Variants in PHF24 observed in about 807,000 individuals in gnomAD.
PHF24 encodes the protein Galpha inhibitory interacting protein.
A neutral mutation model predicts 42.6 loss-of-function variants in PHF24; 25 were observed. That is an observed-to-expected ratio of 0.59 (90% CI 0.43 to 0.82). PHF24 has a LOEUF of 0.82. Among genes scored for constraint, PHF24 ranks in the 40% least tolerant of loss-of-function variants. PHF24 has a pLI of 0.00. For synonymous variants in PHF24, 185 were observed against 204.8 expected (o/e 0.90, Z 0.83); for missense variants, 470 against 538.1 (o/e 0.87, Z 1.25).
the PHF24 span, among the ~76,000 whole-genome samples, chr9:34,848,359 T>A: frequency 6.6e-6 from 1 of 151,570 alleles, no homozygotes; most frequent in East Asian, 1.9e-4. Context: ...ATTTATCCAT[T>A]TCTTCTAGAT....
At chr9:34,667,759 TA>T in the PHF24 span, among the ~76,000 whole-genome samples, 1 of 152,182 alleles carries the variant, frequency 6.6e-6, no homozygotes, top group Admixed American at 6.5e-5. Context: ...AGGGCTGGTC[TA>T]GAGGCTGCCT....
chr9:34,688,336 C>A, the PHF24 span, among the ~76,000 whole-genome samples: 1 of 152,196 alleles, frequency 6.6e-6, no homozygotes, highest in Non-Finnish European at 1.5e-5. Flanking sequence ...TGTCTGGAGG[C>A]TAGCCTGCTT....
At chr9:34,941,411 T>C in the PHF24 span, among the ~76,000 whole-genome samples, 2 of 152,280 alleles carry the variant, frequency 1.3e-5, no homozygotes, top group Admixed American at 6.5e-5. Context: ...CTCTGTGGGA[T>C]TGTATGCTTG....
the PHF24 span, among the ~76,000 whole-genome samples, chr9:34,735,387 G>A: frequency 2.7e-5 from 4 of 150,738 alleles, no homozygotes; most frequent in Non-Finnish European, 4.4e-5. Flanking sequence ...CGCCCACCTC[G>A]GCCTCCCAAA....
the PHF24 span, among the ~76,000 whole-genome samples, chr9:34,869,945 C>T: frequency 6.6e-6 from 1 of 152,060 alleles, no homozygotes; most frequent in South Asian, 2.1e-4. Flanking sequence ...ATTTGTGGCA[C>T]CTTTGTCATT....
the PHF24 span, among the ~76,000 whole-genome samples, chr9:34,686,734 GAGA>G: frequency 6.6e-6 from 1 of 152,194 alleles, no homozygotes; most frequent in African/African-American, 2.4e-5. Flanking sequence ...ATGTGCGCTA[GAGA>G]AGAAGGTGTC....
chr9:34,934,781 T>A, the PHF24 span, among the ~76,000 whole-genome samples: 1 of 152,184 alleles, frequency 6.6e-6, no homozygotes, highest in Non-Finnish European at 1.5e-5. Flanking sequence ...AATTATCATT[T>A]ATTTAGCAAT....
chr9:34,668,970 T>G, the PHF24 span, among the ~76,000 whole-genome samples: 1 of 152,204 alleles, frequency 6.6e-6, no homozygotes, highest in Non-Finnish European at 1.5e-5. Context: ...CCACTCCATG[T>G]AAATTGTGTA....
chr9:34,773,324 A>G, the PHF24 span, among the ~76,000 whole-genome samples: 2 of 152,100 alleles, frequency 1.3e-5, no homozygotes, highest in Admixed American at 1.3e-4. Context: ...CTCCAATAAA[A>G]CGAAGCAGGG....
the PHF24 span, among the ~76,000 whole-genome samples, chr9:34,785,832 G>T: frequency 6.6e-6 from 1 of 152,132 alleles, no homozygotes; most frequent in African/African-American, 2.4e-5. Context: ...TTTCTAAAGA[G>T]ACATTCATCA....
chr9:34,937,129 A>C, the PHF24 span, among the ~76,000 whole-genome samples: 11 of 148,498 alleles, frequency 7.4e-5, no homozygotes, highest in African/African-American at 2.7e-4. Context: ...CTGCCCGGCC[A>C]CCACCCCGTC....
At chr9:34,915,033 T>C in the PHF24 span, among the ~76,000 whole-genome samples, 6 of 137,960 alleles carry the variant, frequency 4.3e-5, no homozygotes, top group Non-Finnish European at 6.3e-5. Context: ...TTTCTTTTTT[T>C]TTTTTTTTTT....
chr9:34,973,799 C>T (rs973574837), intron 3 of PHF24, among the ~76,000 whole-genome samples: 1 of 152,096 alleles, frequency 6.6e-6, no homozygotes, highest in African/African-American at 2.4e-5. Context: ...CCTTTCATCT[C>T]GGCCACTCTG....
the PHF24 span, among the ~76,000 whole-genome samples, chr9:34,711,542 C>CTT: frequency 9.2e-5 from 12 of 130,754 alleles, no homozygotes; most frequent in East Asian, 4.6e-4. Flanking sequence ...AATGTTGTTA[C>CTT]TTTTTTTTTT....
intron 1 of PHF24, among the ~76,000 whole-genome samples, chr9:34,965,270 A>G (rs1245818149): frequency 2.0e-5 from 3 of 152,252 alleles, no homozygotes; most frequent in African/African-American, 4.8e-5. Flanking sequence ...TCCATTAAGT[A>G]TTAAGAGTTT....
the PHF24 span, among the ~76,000 whole-genome samples, chr9:34,943,354 G>A: frequency 2.0e-5 from 3 of 152,302 alleles, no homozygotes; most frequent in East Asian, 5.8e-4. Context: ...AACCCAATAT[G>A]AGGGTTACTC....
At chr9:34,799,655 C>A in the PHF24 span, among the ~76,000 whole-genome samples, 2 of 152,132 alleles carry the variant, frequency 1.3e-5, no homozygotes, top group Non-Finnish European at 2.9e-5. Context: ...GGTGATTTTT[C>A]CCTAAGGGAT....
chr9:34,695,635 A>G, the PHF24 span, among the ~76,000 whole-genome samples: 1 of 152,156 alleles, frequency 6.6e-6, no homozygotes, highest in Non-Finnish European at 1.5e-5. Context: ...TGCTACCTCC[A>G]GGTAAATGAT....
chr9:34,692,844 T>C, the PHF24 span, among the ~76,000 whole-genome samples: 3 of 140,258 alleles, frequency 2.1e-5, no homozygotes, highest in Non-Finnish European at 3.0e-5. Flanking sequence ...TGGAGTACAA[T>C]GGCACGATCT....
Sources: gnomAD v4.1 joint callset for allele counts (sites outside exome capture counted in the v4.1 genomes callset) on GRCh38, gnomAD v4.1.1 for gene constraint, MANE v1.5 for transcripts, NCBI Gene and HGNC (gene_info 2026-07-23, HGNC 2026-07-21) for gene names.